Variants in MTF1 observed in about 807,000 individuals in gnomAD.
The protein encoded by MTF1 is metal regulatory transcription factor 1, also known as MRE-binding transcription factor.
Under a neutral mutation model 70.4 loss-of-function variants are expected in MTF1, and 22 were observed. The ratio of observed to expected loss-of-function variants is 0.31; its 90% CI spans 0.22 to 0.45. The LOEUF is 0.45. MTF1 is among the 20% of genes least tolerant of loss of function. The pLI is 1.00. For synonymous variants in MTF1, 333 were observed against 352.8 expected (o/e 0.94, Z 0.63); for missense variants, 649 against 922.0 (o/e 0.70, Z 3.83).
rs1003581455 is a variant in MTF1 at position 37,828,624 on chromosome 1, G to A, written c.1068+3621C>T. ...CTGGCTGGGAATGTTCTTTTTGACC[G>A]GGGTGCTGGTTACATGGGTGTGACG... On this transcript the variant is annotated intron_variant, in intron 7 of 10. Transcript: ENST00000373036. Among the ~76,000 whole-genome samples the A allele has an allele frequency of 3.3e-5, 5 of 152,238 alleles. No homozygotes were observed. The East Asian group carries it at 5.8e-4, about 18-fold the overall frequency.
chr1:37,835,893 C>T (rs550955522), intron 4 of MTF1, 149 bp from the exon 5 acceptor site: 29 of 610,230 alleles, frequency 4.8e-5, no homozygotes, highest in African/African-American at 7.4e-5. Flanking sequence ...CTCCACCTCC[C>T]GGGTTCATGC....
intron 4 of MTF1, 116 bp downstream of exon 4, chr1:37,838,509 C>T: frequency 2.4e-6 from 2 of 848,088 alleles, no homozygotes; most frequent in Non-Finnish European, 3.6e-6. Context: ...TGAGCTAACA[C>T]TGCTAAATCA....
chr1:37,827,498 C>T (rs2148405916), intron 7 of MTF1, among the ~76,000 whole-genome samples: 1 of 152,176 alleles, frequency 6.6e-6, no homozygotes, highest in Non-Finnish European at 1.5e-5. Context: ...GCTGGGACTA[C>T]AGGCGCCTGC....
rs1184821224 is a variant in MTF1, at chr1:37,838,729, T to C, written c.675A>G (p.Thr225=). ...CAGATTCACAGTTAAACGTTTTCCC[T>C]GTGTGAAGCCTCTGATGTGCTTTCA... The part of the protein sequence containing the change: ...YRLKAHQRLH[T]GKTFNCESEG... The change falls in exon 4 of 11, where the codon ACA becomes ACG. Residue 225 remains threonine (T), a synonymous_variant. Coordinates refer to ENST00000373036, the MANE Select transcript of MTF1 (RefSeq NM_005955.3). The C allele has an allele frequency of 8.8e-6, 14 of 1,599,460 alleles. No individual in the cohort carries two copies. The Admixed American group carries it at 2.0e-4, about 23-fold the overall frequency.
rs12751325 is a variant in MTF1, at chr1:37,823,711, T to C, written c.1170A>G (p.Thr390=). 0.28 allele frequency: 453,224 copies of C among 1,607,924 alleles called. 66,393 individuals are homozygous for C. Among genetic ancestry groups the C allele is most frequent in the East Asian group, 0.31 (14,056 of 44,814 alleles). ...DTAIQEDPQQ[T]ASLTESFNGD... ...GTAGAAAGAGTCCGTGTGACAAACC[T>C]GTCTGTTGAGGATCTTCCTGAATTG... Residue 390 remains threonine, a splice_region_variant and synonymous_variant, in exon 8 of 11, where the codon ACA becomes ACG. Coordinates refer to ENST00000373036, the MANE Select transcript of MTF1 (RefSeq NM_005955.3).
At chr1:37,825,899 C>G (rs541104998) in intron 7 of MTF1, among the ~76,000 whole-genome samples, 64 of 152,176 alleles carry the variant, frequency 4.2e-4, no homozygotes, top group South Asian at 1.0e-3. Context: ...TTTATGTTAT[C>G]AGTAAGGCTT....
At chr1:37,837,882 A>T (rs937049937) in intron 4 of MTF1, among the ~76,000 whole-genome samples, 1 of 152,186 alleles carries the variant, frequency 6.6e-6, no homozygotes, top group Non-Finnish European at 1.5e-5. Context: ...TTACAAACTG[A>T]TTATCTCATT....
intron 10 of MTF1, among the ~76,000 whole-genome samples, chr1:37,816,862 A>G (rs988987487): frequency 1.6e-4 from 25 of 152,032 alleles, no homozygotes; most frequent in Non-Finnish European, 2.9e-4. Flanking sequence ...CTTGTCTCAA[A>G]AACAAAACAA....
intron 4 of MTF1, 65 bp downstream of exon 4, chr1:37,838,560 C>G: frequency 6.9e-7 from 1 of 1,439,114 alleles, no homozygotes. Flanking sequence ...TTGAAAAATT[C>G]CAGAGTATAT....
In MTF1 at chr1:37,832,245, C is replaced by T. The variant is rs747409518; in HGVS notation, c.1068G>A (p.Thr356=). 26 of 1,604,644 alleles carry T rather than the reference C, an allele frequency of 1.6e-5. No individual in the cohort carries two copies. The highest frequency in any genetic ancestry group is 2.0e-5 in the Non-Finnish European group (23 of 1,171,974). ...GCACTGGTATTACAGGTACACTTAC[C>T]GTACTGGAATTTTCTCGCAATTCAG... ...TDSELRENSS[T]TQGQDLSTIS... is the part of the protein sequence containing the mutation. Residue 356 remains threonine, a splice_region_variant and synonymous_variant, in exon 7 of 11, where the codon ACG becomes ACA. Transcript: ENST00000373036.
Position 37,857,370 on chromosome 1 carries a change from T to C in MTF1, c.289A>G (p.Ile97Val), listed in dbSNP as rs1641513155. 1.9e-6 allele frequency: 3 copies of C among 1,614,064 alleles called. No homozygotes were observed. Among genetic ancestry groups the C allele is most frequent in the African/African-American group, 1.3e-5 (1 of 74,918 alleles). The stretch of plus-strand genomic sequence containing the variant: ...AAATGAATCTGATCTGGTGAGATAA[T>C]GTGCTGCACATAACCCTGGGACATT... ...EAMSQGYVQH[I>V]ISPDQIHLTI... Residue 97 changes from isoleucine (I) to valine (V), a missense_variant, in exon 2 of 11, where the codon ATT (isoleucine) becomes GTT (valine). Around this residue, in one of 7 missense-constraint regions of MTF1, gnomAD observed 118 missense variants for 287.2 expected, o/e 0.41. Transcript: ENST00000373036.
intron 9 of MTF1, 98 bp from the exon 10 acceptor site, chr1:37,817,580 C>G (rs1640839552): frequency 1.2e-6 from 1 of 834,046 alleles, no homozygotes; most frequent in Non-Finnish European, 2.0e-6. Flanking sequence ...TCCAAGAAGA[C>G]AGAAAACCCT....
intron 8 of MTF1, 57 bp downstream of exon 8, chr1:37,823,653 T>G (rs988528976): frequency 2.4e-6 from 3 of 1,271,914 alleles, no homozygotes; most frequent in African/African-American, 2.9e-5. Flanking sequence ...ATTGTGCCTG[T>G]GACTCAGTGT....
chr1:37,816,662 G>A (rs867669473), intron 10 of MTF1, among the ~76,000 whole-genome samples: 7 of 141,320 alleles, frequency 5.0e-5, no homozygotes, highest in Non-Finnish European at 1.1e-4. Flanking sequence ...GCAACAGAAC[G>A]TGACTCCATC....
At chr1:37,853,874 C>A (rs2148423083) in intron 2 of MTF1, among the ~76,000 whole-genome samples, 1 of 152,326 alleles carries the variant, frequency 6.6e-6, no homozygotes, top group South Asian at 2.1e-4. Flanking sequence ...AAATCGACTA[C>A]CACAATCATT....
Position 37,815,963 on chromosome 1 carries a change from A to G in MTF1, c.1832-397T>C, listed in dbSNP as rs1640813149. Among the ~76,000 whole-genome samples, 1 of 152,076 alleles carries G rather than the reference A, an allele frequency of 6.6e-6. No homozygotes were observed. Among genetic ancestry groups the G allele is most frequent in the African/African-American group, 2.4e-5 (1 of 41,404 alleles). On this transcript the variant is annotated intron_variant, in intron 10 of 10. Coordinates refer to ENST00000373036, the MANE Select transcript of MTF1 (RefSeq NM_005955.3). The surrounding 1 kb of genome is among the most constrained non-coding windows in gnomAD (Gnocchi z 4.5). ...CCTCTCTTCTGGAGAACTGACACTCATCTTTCAAGACCTAGCTCACTCCCC... is the reference window on the plus strand; with the variant it reads ...CCTCTCTTCTGGAGAACTGACACTCGTCTTTCAAGACCTAGCTCACTCCCC...
intron 7 of MTF1, chr1:37,828,266 G>GA (rs1641034050): frequency 2.8e-6 from 1 of 357,566 alleles, no homozygotes; most frequent in African/African-American, 2.3e-5. Context: ...GGGGGTATGT[G>GA]AGGGGGGGGC....
At chr1:37,843,188 T>C (rs905351631) in intron 2 of MTF1, among the ~76,000 whole-genome samples, 57 of 152,238 alleles carry the variant, frequency 3.7e-4, no homozygotes, top group African/African-American at 1.2e-3. Flanking sequence ...AGCTAATTTT[T>C]AAATGTTTTG....
chr1:37,855,835 G>A (rs1411903103), intron 2 of MTF1, among the ~76,000 whole-genome samples: 3 of 152,092 alleles, frequency 2.0e-5, no homozygotes, highest in Non-Finnish European at 4.4e-5. Flanking sequence ...GTGCGTGCCT[G>A]TAATCCCAGC....
Sources: gnomAD v4.1 joint callset for allele counts (sites outside exome capture counted in the v4.1 genomes callset) on GRCh38, gnomAD v4.1.1 for gene constraint, gnomAD v4.1.1 regional missense constraint, Gnocchi (gnomAD v3.1) non-coding constraint, MANE v1.5 for transcripts, NCBI Gene and HGNC (gene_info 2026-07-23, HGNC 2026-07-21) for gene names.